Variants in NFU1 observed in about 807,000 individuals in gnomAD.
NFU1 encodes NFU1 iron-sulfur cluster scaffold homolog, mitochondrial.
In NFU1, 30 loss-of-function variants were observed where a neutral mutation model predicts 32.2. That is an observed-to-expected ratio of 0.93 (90% CI 0.70 to 1.26). NFU1 has a LOEUF of 1.26. Among genes scored for constraint, NFU1 ranks in the 50% most tolerant of loss-of-function variants. The pLI is 0.00. For synonymous variants in NFU1, 112 were observed against 104.6 expected (o/e 1.07, Z -0.43); for missense variants, 306 against 306.6 (o/e 1.00, Z 0.02).
In NFU1 at chr2:69,415,209, C is replaced by T; in HGVS notation, c.460G>A (p.Glu154Lys). 1 of 1,609,244 alleles carries T rather than the reference C, an allele frequency of 6.2e-7. No homozygotes were observed. Residue 154 changes from glutamate (E) to lysine (K), a missense_variant, in exon 5 of 8, where the codon GAG (glutamate) becomes AAG (lysine). Glu to Lys is a moderately conservative substitution (Grantham distance 56, BLOSUM62 1). Transcript: ENST00000410022. ...FFASGLPLVT[E>K]ETPSGEAGSE... is the part of the protein sequence containing the mutation. ...CCTGCTTCTCCTGAAGGTGTTTCCT[C>T]AGTAACCAGGGGTAAGCCAGATGCA...
chr2:69,437,691 G>T (rs939597584), upstream of NFU1: 2 of 576,572 alleles, frequency 3.5e-6, no homozygotes, highest in African/African-American at 1.9e-5. Context: ...TCCGTACTTT[G>T]TTTTCCCTGT....
chr2:69,419,371 C>T (rs921847251), intron 4 of NFU1, among the ~76,000 whole-genome samples, 167 bp downstream of exon 4: 29 of 152,068 alleles, frequency 1.9e-4, no homozygotes, highest in South Asian at 2.1e-4. Context: ...TAGCATATTT[C>T]GCTTGATTCT....
intron 6 of NFU1, among the ~76,000 whole-genome samples, chr2:69,404,736 C>T (rs549283828): frequency 2.6e-4 from 38 of 146,784 alleles, no homozygotes; most frequent in African/African-American, 8.0e-4. Context: ...TCTCCTACCT[C>T]GGTCTCCCTA....
intron 1 of NFU1, 184 bp downstream of exon 1, chr2:69,437,177 A>G (rs1377651739): frequency 7.4e-6 from 10 of 1,349,432 alleles, no homozygotes; most frequent in East Asian, 2.5e-5. Context: ...ATTAGGCCAC[A>G]GAAGCGCCGA....
chr2:69,414,383 T>C (rs777613268), intron 5 of NFU1, among the ~76,000 whole-genome samples: 2 of 151,970 alleles, frequency 1.3e-5, no homozygotes, highest in Non-Finnish European at 2.9e-5. Flanking sequence ...TTTGAGAGGT[T>C]GAAGCCAGGT....
chr2:69,416,374 ATAT>A (rs57561294), intron 4 of NFU1, among the ~76,000 whole-genome samples: 307 of 147,596 alleles, frequency 2.1e-3, no homozygotes, highest in Middle Eastern at 0.018. Flanking sequence ...ATTAGTAATA[ATAT>A]TATTATTAAT....
chr2:69,408,946 T>C, intron 5 of NFU1, among the ~76,000 whole-genome samples: 1 of 143,952 alleles, frequency 6.9e-6, no homozygotes, highest in South Asian at 2.3e-4. Flanking sequence ...TTCAAGCAAT[T>C]CTCCTGCCTC....
chr2:69,424,164 C>G lies in NFU1; in HGVS notation c.167-447G>C, dbSNP rs11893769. On this transcript the variant is annotated intron_variant, in intron 2 of 7. Transcript: ENST00000410022. ...TCCAGCCTGGTGACAAAGTGAGACT[C>G]TGTCTCAAAAAAAAAAAAAAAAAAA... Among the ~76,000 whole-genome samples the G allele has an allele frequency of 3.8e-3, 316 of 82,294 alleles. 1 individual carries two copies. The highest frequency in any genetic ancestry group is 0.017 in the African/African-American group (306 of 17,890). The allele number at this position is 82,294 out of a possible 152,430, so 54.0% of individuals were successfully genotyped here.
intron 1 of NFU1, among the ~76,000 whole-genome samples, chr2:69,435,626 T>A (rs113548312): frequency 6.6e-6 from 1 of 152,288 alleles, no homozygotes; most frequent in African/African-American, 2.4e-5. Context: ...GATAAAAGGA[T>A]TGGCACCGAG....
intron 4 of NFU1, 75 bp from the exon 5 acceptor site, chr2:69,415,374 CTTTT>C: frequency 1.3e-6 from 1 of 763,806 alleles, no homozygotes. Flanking sequence ...CCTTATACCT[CTTTT>C]TTCTTTTTTT....
intron 1 of NFU1, among the ~76,000 whole-genome samples, chr2:69,434,149 CT>C (rs147480004): frequency 1.3e-3 from 179 of 142,478 alleles, no homozygotes; most frequent in African/African-American, 3.7e-3. Context: ...TTTTTTTTTT[CT>C]TTTTTTTTTT....
chr2:69,423,432 T>TTA, intron 3 of NFU1, 150 bp downstream of exon 3: 1 of 707,492 alleles, frequency 1.4e-6, no homozygotes, highest in Non-Finnish European at 2.3e-6. Flanking sequence ...ATTTTTTTTT[T>TTA]AATCTCTCAT....
chr2:69,437,245 C>G, intron 1 of NFU1, 116 bp downstream of exon 1: 1 of 1,497,624 alleles, frequency 6.7e-7, no homozygotes. Context: ...GGCGGACCCG[C>G]CGGCTCCATC....
chr2:69,437,482 A>C (rs766366453), upstream of NFU1: 5 of 1,576,524 alleles, frequency 3.2e-6, no homozygotes, highest in Non-Finnish European at 4.3e-6. Context: ...GCGCAGCCGC[A>C]GGCTGGCCGG....
intron 5 of NFU1, among the ~76,000 whole-genome samples, chr2:69,407,926 T>C (rs1056545973): frequency 6.6e-6 from 1 of 150,846 alleles, no homozygotes; most frequent in African/African-American, 2.4e-5. Flanking sequence ...GGCAGGAGAA[T>C]TGCTTGAACC....
chr2:69,439,265 G>T (rs1270499387), upstream of NFU1, among the ~76,000 whole-genome samples: 1 of 152,138 alleles, frequency 6.6e-6, no homozygotes, highest in East Asian at 1.9e-4. Flanking sequence ...GTCCGGAATT[G>T]GTGGGTTCTT....
At chr2:69,432,666 A>G (rs1673678254) in intron 1 of NFU1, among the ~76,000 whole-genome samples, 1 of 152,206 alleles carries the variant, frequency 6.6e-6, no homozygotes, top group South Asian at 2.1e-4. Context: ...GCAAATAACT[A>G]TAAGCTTTTT....
At chr2:69,432,393 G>A (rs1414774373) in intron 1 of NFU1, among the ~76,000 whole-genome samples, 1 of 152,118 alleles carries the variant, frequency 6.6e-6, no homozygotes, top group Non-Finnish European at 1.5e-5. Flanking sequence ...TGACCAACAT[G>A]GAGAAACCCC....
chr2:69,421,383 C>T (rs975123951), intron 3 of NFU1, among the ~76,000 whole-genome samples: 2 of 151,832 alleles, frequency 1.3e-5, no homozygotes, highest in African/African-American at 4.8e-5. Flanking sequence ...TATAAAATGG[C>T]TGTACGTATA....
Sources: allele counts gnomAD v4.1 joint callset (sites outside exome capture counted in the v4.1 genomes callset), GRCh38; gene constraint gnomAD v4.1.1; transcripts MANE v1.5; gene names NCBI Gene and HGNC (gene_info 2026-07-23, HGNC 2026-07-21).